Variants in TTC39C observed in about 807,000 individuals in gnomAD.
TTC39C encodes tetratricopeptide repeat protein 39C.
A neutral mutation model predicts 76.3 loss-of-function variants in TTC39C; 33 were observed. The ratio of observed to expected loss-of-function variants is 0.43; its 90% CI spans 0.33 to 0.58. The LOEUF is 0.58. Among genes scored for constraint, TTC39C ranks in the 20% least tolerant of loss-of-function variants. The pLI is 0.04. For missense variants in TTC39C, 595 were observed against 701.4 expected, an observed-to-expected ratio of 0.85 and a Z score of 1.71; for synonymous variants, 254 against 260.6, an observed-to-expected ratio of 0.97 and a Z score of 0.24.
chr18:24,049,644 T>C (rs1407496705), intron 1 of TTC39C, among the ~76,000 whole-genome samples: 1 of 152,122 alleles, frequency 6.6e-6, no homozygotes, highest in Non-Finnish European at 1.5e-5. Flanking sequence ...GGAAGAGTGG[T>C]CTGGAACCAG....
intron 1 of TTC39C, chr18:24,022,856 T>C (rs1377454979): frequency 1.0e-6 from 1 of 985,332 alleles, no homozygotes; most frequent in Non-Finnish European, 1.2e-6. Flanking sequence ...AGGTATATCT[T>C]GCTCTTCCAG....
intron 1 of TTC39C, chr18:24,019,786 C>T (rs757616107): frequency 4.1e-6 from 5 of 1,232,470 alleles, no homozygotes; most frequent in Non-Finnish European, 5.6e-6. Context: ...GTGCACTACA[C>T]CTGCAGAAAT....
chr18:24,042,615 G>T (rs1357130755), intron 1 of TTC39C, among the ~76,000 whole-genome samples: 1 of 152,102 alleles, frequency 6.6e-6, no homozygotes, highest in Non-Finnish European at 1.5e-5. Context: ...TTACGCACAT[G>T]TGCAAAACAT....
At chr18:24,096,115 AT>A (rs1396789922) in intron 6 of TTC39C, among the ~76,000 whole-genome samples, 1 of 152,258 alleles carries the variant, frequency 6.6e-6, no homozygotes, top group Non-Finnish European at 1.5e-5. Context: ...TATAGCAGTC[AT>A]GAAAAATTTG....
In TTC39C at chr18:24,131,838, A is replaced by T. The variant is rs749175146; in HGVS notation, c.1624-44A>T. The T allele has an allele frequency of 2.2e-5, 35 of 1,572,742 alleles. 1 individual carries two copies. In the East Asian group the frequency reaches 7.2e-4, roughly 32 times the overall value. On this transcript the variant is annotated intron_variant, in intron 12 of 13. Coordinates refer to ENST00000317571, the MANE Select transcript of TTC39C (RefSeq NM_001135993.2). Reference sequence around the variant, plus strand: ...CTATTATACCATTTTCTGCCTGCGTATATATAAACACAGATTTTATGGGAT... The same window carrying T: ...CTATTATACCATTTTCTGCCTGCGTTTATATAAACACAGATTTTATGGGAT...
Position 24,102,951 on chromosome 18 carries a change from A to G in TTC39C, c.985-11603A>G, listed in dbSNP as rs2084697580. Among the ~76,000 whole-genome samples the G allele has an allele frequency of 2.0e-5, 3 of 152,150 alleles. No homozygotes were observed. The South Asian group carries it at 6.2e-4, about 32-fold the overall frequency. On this transcript the variant is annotated intron_variant, in intron 6 of 13. Coordinates refer to ENST00000317571, the MANE Select transcript of TTC39C (RefSeq NM_001135993.2). ...GCGAAACCCTGTCTCTACAAAAAAT[A>G]CAAAAATTAGCCAGGTGTGGTGTGC...
intron 1 of TTC39C, among the ~76,000 whole-genome samples, chr18:24,028,680 T>C (rs2083626673): frequency 6.6e-6 from 1 of 152,320 alleles, no homozygotes; most frequent in Admixed American, 6.5e-5. Context: ...GAAATGACTT[T>C]TAACTGAAAA....
At chr18:24,049,718 G>C (rs553837571) in intron 1 of TTC39C, among the ~76,000 whole-genome samples, 1 of 152,246 alleles carries the variant, frequency 6.6e-6, no homozygotes, top group South Asian at 2.1e-4. Flanking sequence ...GGAGGTCAGT[G>C]GCCCAGGCGG....
chr18:24,023,998 A>ATTTTT (rs2083562268), intron 1 of TTC39C, among the ~76,000 whole-genome samples: 1 of 3,898 alleles, frequency 2.6e-4, no homozygotes, highest in Non-Finnish European at 5.9e-4. Flanking sequence ...ATATATATAT[A>ATTTTT]TATATATATA....
Position 24,114,046 on chromosome 18 carries a change from T to C in TTC39C, c.985-508T>C, listed in dbSNP as rs984444670. The C allele has an allele frequency of 3.0e-5, 9 of 297,354 alleles. No homozygotes were observed. In the East Asian group the frequency reaches 4.7e-4, roughly 15 times the overall value. The allele number at this position is 297,354 out of a possible 1,614,324, so 18.4% of individuals were successfully genotyped here. A position where few individuals can be genotyped will look rare whatever the true frequency, so the allele number is the denominator to read the frequency against. On this transcript the variant is annotated intron_variant, in intron 6 of 13. Transcript: ENST00000317571. Reference sequence around the variant, plus strand: ...GAACTGGGCTAATGGAGCGGCTTCGTGCATTCACTCAGTAGCGATTGAGAG... The same window carrying C: ...GAACTGGGCTAATGGAGCGGCTTCGCGCATTCACTCAGTAGCGATTGAGAG...
At chr18:24,129,495 C>T (rs1036111536) in intron 11 of TTC39C, among the ~76,000 whole-genome samples, 5 of 151,988 alleles carry the variant, frequency 3.3e-5, no homozygotes, top group African/African-American at 7.3e-5. Flanking sequence ...GTACAGTGGC[C>T]GGGCACGGTG....
intron 5 of TTC39C, among the ~76,000 whole-genome samples, chr18:24,081,830 T>C (rs1290934707): frequency 1.3e-5 from 2 of 152,196 alleles, no homozygotes; most frequent in African/African-American, 4.8e-5. Context: ...ATAGGTTTGT[T>C]AACTTGTGAT....
At chr18:24,075,158 G>C (rs112607044) in intron 4 of TTC39C, among the ~76,000 whole-genome samples, 18,060 of 152,122 alleles carry the variant, frequency 0.12, 1,422 homozygotes, top group Middle Eastern at 0.23. Flanking sequence ...CGTGGGGTGG[G>C]GGGAGTGGGG....
At chr18:24,004,016 A>C (rs1182021552) in intron 1 of TTC39C, among the ~76,000 whole-genome samples, 1 of 152,150 alleles carries the variant, frequency 6.6e-6, no homozygotes, top group African/African-American at 2.4e-5. Flanking sequence ...CTCTCGGAGC[A>C]CTGGGATTAC....
At position 24,015,763 on chromosome 18, in the gene TTC39C, A is replaced by T. The variant is rs140886962; in HGVS notation, c.167+725A>T. The stretch of plus-strand genomic sequence containing the variant: ...TAAAAAGTATGAGAATGGTAGGAAA[A>T]CACGTGTGTTCAGTTAATTTTTTAT... On this transcript the variant is annotated intron_variant, in intron 1 of 13. Coordinates refer to ENST00000317571, the MANE Select transcript of TTC39C (RefSeq NM_001135993.2). 6.6e-5 allele frequency among the ~76,000 whole-genome samples: 10 copies of T among 152,328 alleles called. No individual in the cohort carries two copies. In the East Asian group the frequency reaches 1.9e-3, roughly 29 times the overall value.
chr18:24,060,275 T>G (rs1416565038), intron 1 of TTC39C, among the ~76,000 whole-genome samples: 1 of 151,810 alleles, frequency 6.6e-6, no homozygotes, highest in Non-Finnish European at 1.5e-5. Context: ...CTGACTGGTG[T>G]GAGACGGTAC....
At chr18:24,125,687 G>A in intron 10 of TTC39C, 137 bp downstream of exon 10, 1 of 1,127,210 alleles carries the variant, frequency 8.9e-7, no homozygotes, top group Non-Finnish European at 1.3e-6. Context: ...TCCTTAGATA[G>A]AGGGTGTCGT....
In TTC39C at chr18:24,080,756, C is replaced by T. The variant is rs1393003820; in HGVS notation, c.632C>T (p.Ser211Phe). The T allele has an allele frequency of 1.2e-6, 2 of 1,614,102 alleles. No homozygotes were observed. The highest frequency in any genetic ancestry group is 1.7e-6 in the Non-Finnish European group (2 of 1,180,008). Residue 211 changes from serine to phenylalanine, a missense_variant, in exon 5 of 14, where the codon TCT becomes TTT. Physicochemically the swap from Ser to Phe is radical, Grantham distance 155 (BLOSUM62 -2). Transcript: ENST00000317571. Reference protein sequence around the residue: ...HIVAEGVSEESLNRLKGAVSF... With the variant: ...HIVAEGVSEEFLNRLKGAVSF... ...GTGGCTGAAGGGGTGTCTGAGGAGT[C>T]TCTGAACAGACTGAAAGGTGCTGTT...
chr18:24,025,421 C>T (rs2083587662), intron 1 of TTC39C, among the ~76,000 whole-genome samples: 1 of 152,232 alleles, frequency 6.6e-6, no homozygotes, highest in Non-Finnish European at 1.5e-5. Context: ...TCAGATGCCA[C>T]AAGCAGTGTT....
Sources: allele counts gnomAD v4.1 joint callset (sites outside exome capture counted in the v4.1 genomes callset), GRCh38; gene constraint gnomAD v4.1.1; transcripts MANE v1.5; gene names NCBI Gene and HGNC (gene_info 2026-07-23, HGNC 2026-07-21).